SAMD12: variants seen among roughly 807,000 people sequenced by gnomAD.
SAMD12 encodes the protein sterile alpha motif domain containing 12.
A neutral mutation model predicts 15.0 loss-of-function variants in SAMD12; 9 were observed. The ratio of observed to expected loss-of-function variants is 0.60; its 90% CI spans 0.36 to 1.05. The LOEUF is 1.05. Ranked by LOEUF, SAMD12 falls within the 50% of genes least tolerant of loss-of-function variation. The probability of loss-of-function intolerance (pLI) is 0.01; values close to 1 mark genes in which losing one functional copy is unlikely to be tolerated. For missense variants in SAMD12, 230 were observed against 234.2 expected, an observed-to-expected ratio of 0.98 and a Z score of 0.12; for synonymous variants, 86 against 90.1, an observed-to-expected ratio of 0.96 and a Z score of 0.25.
At chr8:118,482,147 TTTAATTCAATA>T (rs1003154703) in intron 2 of SAMD12, among the ~76,000 whole-genome samples, 5 of 152,364 alleles carry the variant, frequency 3.3e-5, no homozygotes, top group African/African-American at 1.2e-4. Flanking sequence ...TGAGCATCTT[TTTAATTCAATA>T]GGTGCCGAAT....
intron 3 of SAMD12, among the ~76,000 whole-genome samples, chr8:118,437,127 T>C (rs991129609): frequency 1.3e-5 from 2 of 152,194 alleles, no homozygotes; most frequent in African/African-American, 2.4e-5. Flanking sequence ...TCCAAGAGTA[T>C]TGGGATTCCC....
At chr8:118,199,126 T>C (rs753898302) in intron 4 of SAMD12, among the ~76,000 whole-genome samples, 10 of 152,134 alleles carry the variant, frequency 6.6e-5, no homozygotes, top group Non-Finnish European at 1.3e-4. Context: ...AGCTTATATA[T>C]ATGCATAGAA....
intron 2 of SAMD12, among the ~76,000 whole-genome samples, chr8:118,554,148 A>G (rs1477876784): frequency 6.6e-6 from 1 of 152,166 alleles, no homozygotes; most frequent in Non-Finnish European, 1.5e-5. Flanking sequence ...ATCTAGAACT[A>G]GAAATACCAT....
chr8:118,263,306 A>G (rs1222401219), intron 4 of SAMD12, among the ~76,000 whole-genome samples: 1 of 152,152 alleles, frequency 6.6e-6, no homozygotes, highest in East Asian at 1.9e-4. Flanking sequence ...CATAAAAACA[A>G]TAACAGAAGG....
At chr8:118,399,982 A>C (rs1820788178) in intron 3 of SAMD12, among the ~76,000 whole-genome samples, 1 of 152,200 alleles carries the variant, frequency 6.6e-6, no homozygotes, top group Non-Finnish European at 1.5e-5. Context: ...TTAGTAAGAT[A>C]AATCTGCTGC....
intron 4 of SAMD12, among the ~76,000 whole-genome samples, chr8:118,235,451 C>T (rs751164935): frequency 7.2e-5 from 11 of 152,074 alleles, no homozygotes; most frequent in Non-Finnish European, 1.3e-4. Flanking sequence ...CCTTGTGATC[C>T]GCCCACCTTG....
intron 2 of SAMD12, among the ~76,000 whole-genome samples, chr8:118,445,994 A>T (rs1303439544): frequency 6.6e-6 from 1 of 152,198 alleles, no homozygotes; most frequent in African/African-American, 2.4e-5. Context: ...AACGGAATGG[A>T]TTATCGAAGC....
chr8:118,327,494 C>A (rs1816620735), intron 4 of SAMD12, among the ~76,000 whole-genome samples: 1 of 152,112 alleles, frequency 6.6e-6, no homozygotes, highest in South Asian at 2.1e-4. Context: ...TGGGATTGTT[C>A]TGGAGAACAA....
chr8:118,485,252 C>T (rs1025036073), intron 2 of SAMD12, among the ~76,000 whole-genome samples: 1 of 152,146 alleles, frequency 6.6e-6, no homozygotes, highest in Non-Finnish European at 1.5e-5. Flanking sequence ...TTTTTTCTTT[C>T]ACCAAGTCAG....
At chr8:118,336,151 G>A (rs1475986076) in intron 4 of SAMD12, among the ~76,000 whole-genome samples, 1 of 152,192 alleles carries the variant, frequency 6.6e-6, no homozygotes, top group Non-Finnish European at 1.5e-5. Flanking sequence ...CATGATCAGA[G>A]AGTGACGGCA....
chr8:118,270,423 C>G (rs555711897), intron 4 of SAMD12, among the ~76,000 whole-genome samples: 7 of 152,162 alleles, frequency 4.6e-5, no homozygotes, highest in Non-Finnish European at 1.0e-4. Flanking sequence ...ATTTCCATTT[C>G]CTGAATAGAC....
intron 4 of SAMD12, among the ~76,000 whole-genome samples, chr8:118,326,699 A>G (rs1437968357): frequency 1.3e-5 from 2 of 152,122 alleles, no homozygotes; most frequent in Admixed American, 6.6e-5. Flanking sequence ...CAGGACCCAC[A>G]TATGTTTTCC....
At chr8:118,135,606 G>A in the SAMD12 span, among the ~76,000 whole-genome samples, 28 of 150,834 alleles carry the variant, frequency 1.9e-4, no homozygotes, top group South Asian at 4.2e-4. Context: ...GCAGTGGTGC[G>A]ATCATAGCTC....
At chr8:118,222,921 C>A (rs1342343385) in intron 4 of SAMD12, among the ~76,000 whole-genome samples, 1 of 152,130 alleles carries the variant, frequency 6.6e-6, no homozygotes, top group Non-Finnish European at 1.5e-5. Flanking sequence ...AAATCCAGAT[C>A]ACAGGTTTAA....
At chr8:118,473,170 T>C (rs1461574717) in intron 2 of SAMD12, among the ~76,000 whole-genome samples, 1 of 152,172 alleles carries the variant, frequency 6.6e-6, no homozygotes, top group Non-Finnish European at 1.5e-5. Flanking sequence ...TTCTGTCCTC[T>C]ACTAGGCAGC....
intron 2 of SAMD12, among the ~76,000 whole-genome samples, chr8:118,447,182 C>T (rs1399318901): frequency 6.6e-6 from 1 of 152,154 alleles, no homozygotes; most frequent in African/African-American, 2.4e-5. Context: ...CTCTTCATTA[C>T]CAACATTGCT....
At chr8:118,170,223 A>T in the SAMD12 span, among the ~76,000 whole-genome samples, 1 of 152,172 alleles carries the variant, frequency 6.6e-6, no homozygotes, top group African/African-American at 2.4e-5. Flanking sequence ...GTGCTCGTGA[A>T]GATTAAATGC....
intron 2 of SAMD12, among the ~76,000 whole-genome samples, chr8:118,549,006 G>A (rs1826231106): frequency 6.6e-6 from 1 of 152,262 alleles, no homozygotes; most frequent in South Asian, 2.1e-4. Flanking sequence ...GGCTTGCTTA[G>A]GTAAACGAAG....
chr8:118,307,890 G>A (rs1586487674), intron 4 of SAMD12, among the ~76,000 whole-genome samples: 1 of 152,178 alleles, frequency 6.6e-6, no homozygotes. Context: ...GGAGAAAGGC[G>A]AGGTCAGGGT....
Sources: gnomAD v4.1 joint callset for allele counts (sites outside exome capture counted in the v4.1 genomes callset) on GRCh38, gnomAD v4.1.1 for gene constraint, MANE v1.5 for transcripts, NCBI Gene and HGNC (gene_info 2026-07-23, HGNC 2026-07-21) for gene names.